The following IQGAP2 variants were observed in gnomAD, a reference collection of about 807,000 sequenced individuals.
The protein encoded by IQGAP2 is ras GTPase-activating-like protein IQGAP2.
A neutral mutation model predicts 201.3 loss-of-function variants in IQGAP2; 173 were observed. The ratio of observed to expected loss-of-function variants is 0.86; its 90% CI spans 0.76 to 0.98. IQGAP2 has a LOEUF of 0.98. Ranked by LOEUF, IQGAP2 falls within the 50% of genes least tolerant of loss-of-function variation. IQGAP2 has a pLI of 0.00. For missense variants in IQGAP2, 1,687 were observed against 1,864.8 expected (o/e 0.90, Z 1.76); for synonymous variants, 675 against 673.9 (o/e 1.00, Z -0.03).
intron 2 of IQGAP2, among the ~76,000 whole-genome samples, chr5:76,535,327 A>G (rs76187345): frequency 0.015 from 2,287 of 152,304 alleles, 61 homozygotes; most frequent in African/African-American, 0.05. Context: ...GAAAGTATAA[A>G]AAAAAAATGA....
At position 76,555,303 on chromosome 5, in the gene IQGAP2, T is replaced by C. The variant is rs534313953; in HGVS notation, c.147-7093T>C. Among the ~76,000 whole-genome samples, 43 of 152,322 alleles carry C rather than the reference T, an allele frequency of 2.8e-4. 1 individual carries two copies. The Middle Eastern group carries it at 0.01, about 36-fold the overall frequency. On this transcript the variant is annotated intron_variant, in intron 2 of 35. Transcript: ENST00000274364. ...TTGAGTGTATGATGTGTGGATTATATCTCAATAAAGATGTTAAACCACACA... is the reference window on the plus strand; with the variant it reads ...TTGAGTGTATGATGTGTGGATTATACCTCAATAAAGATGTTAAACCACACA...
At chr5:76,500,511 T>C (rs2150167859) in intron 2 of IQGAP2, among the ~76,000 whole-genome samples, 1 of 152,356 alleles carries the variant, frequency 6.6e-6, no homozygotes, top group South Asian at 2.1e-4. Flanking sequence ...TAGATTTGTG[T>C]GTGAAATAGA....
At chr5:76,649,385 G>A (rs946738802) in intron 17 of IQGAP2, among the ~76,000 whole-genome samples, 1 of 152,128 alleles carries the variant, frequency 6.6e-6, no homozygotes, top group Non-Finnish European at 1.5e-5. Flanking sequence ...GAAACTAAGA[G>A]CACTTGTTAC....
chr5:76,590,467 G>A lies in IQGAP2; in HGVS notation c.700G>A (p.Val234Ile), dbSNP rs147531108. ...TGAAAAAGGAATAGCAGAGCAAACC[G>A]TTGTAACACTAAGAAACCCAAATGC... is the stretch of plus-strand genomic sequence containing the variant. Reference protein sequence around the residue: ...AVEKGIAEQTVVTLRNPNAVL... With the variant: ...AVEKGIAEQTIVTLRNPNAVL... Residue 234 changes from valine to isoleucine, a missense_variant, in exon 8 of 36, where the codon GTT (valine) becomes ATT (isoleucine). Physicochemically the swap from Val to Ile is conservative, Grantham distance 29. Transcript: ENST00000274364. 4.9e-3 allele frequency: 7,830 copies of A among 1,613,768 alleles called. 59 individuals are homozygous for A. The highest frequency in any genetic ancestry group is 0.016 in the South Asian group (1,439 of 91,014).
intron 2 of IQGAP2, among the ~76,000 whole-genome samples, chr5:76,503,175 T>A (rs1261521821): frequency 1.4e-4 from 1 of 7,098 alleles, no homozygotes. Context: ...TTTTCTTTTC[T>A]TTTTTTTTTT....
chr5:76,699,204 G>A (rs1033024466), intron 33 of IQGAP2, among the ~76,000 whole-genome samples: 2 of 152,022 alleles, frequency 1.3e-5, no homozygotes, highest in African/African-American at 4.8e-5. Flanking sequence ...ACATATAAGC[G>A]AGAACATGTG....
intron 13 of IQGAP2, among the ~76,000 whole-genome samples, chr5:76,624,835 A>G (rs919748057): frequency 1.3e-5 from 2 of 152,204 alleles, no homozygotes; most frequent in Non-Finnish European, 2.9e-5. Context: ...GCACTTTGTA[A>G]GGCTGAGGTG....
chr5:76,413,839 C>A (rs1751269409), intron 1 of IQGAP2, among the ~76,000 whole-genome samples: 1 of 152,172 alleles, frequency 6.6e-6, no homozygotes, highest in South Asian at 2.1e-4. Flanking sequence ...TTTATGCTTG[C>A]TTCAGAATGT....
intron 2 of IQGAP2, among the ~76,000 whole-genome samples, chr5:76,519,525 A>G (rs181890961): frequency 4.3e-4 from 65 of 152,342 alleles, no homozygotes; most frequent in African/African-American, 1.4e-3. Context: ...TTGTGTGAAT[A>G]TAGTTTTTTA....
At chr5:76,598,888 G>A (rs1299305302) in intron 10 of IQGAP2, among the ~76,000 whole-genome samples, 3 of 152,036 alleles carry the variant, frequency 2.0e-5, no homozygotes, top group Non-Finnish European at 1.5e-5. Flanking sequence ...AAGAATGACT[G>A]GAAAAGATAT....
chr5:76,520,633 A>G (rs2150194107), intron 2 of IQGAP2, among the ~76,000 whole-genome samples: 1 of 151,666 alleles, frequency 6.6e-6, no homozygotes, highest in East Asian at 1.9e-4. Context: ...CATTAAATCT[A>G]TAGATCACTT....
chr5:76,517,482 G>A (rs968330157), intron 2 of IQGAP2, among the ~76,000 whole-genome samples: 6 of 151,860 alleles, frequency 4.0e-5, no homozygotes, highest in Non-Finnish European at 7.4e-5. Context: ...TAAGTAGCAC[G>A]CATTCCTGTA....
chr5:76,422,077 A>G (rs1231927244), intron 1 of IQGAP2, among the ~76,000 whole-genome samples: 1 of 152,192 alleles, frequency 6.6e-6, no homozygotes, highest in Non-Finnish European at 1.5e-5. Flanking sequence ...GACAATTCCA[A>G]TACACCAGAA....
intron 27 of IQGAP2, 160 bp from the exon 28 acceptor site, chr5:76,677,058 G>A (rs1160506707): frequency 1.1e-5 from 7 of 633,828 alleles, no homozygotes; most frequent in South Asian, 4.4e-5. Flanking sequence ...ATGCAGCTCC[G>A]ACAGCCAGGA....
chr5:76,567,868 G>A (rs548656179), intron 3 of IQGAP2, among the ~76,000 whole-genome samples: 2 of 151,178 alleles, frequency 1.3e-5, no homozygotes, highest in East Asian at 3.9e-4. Context: ...GTTTGCTGGT[G>A]TAATAGCTCA....
At chr5:76,558,512 A>G (rs1379438591) in intron 2 of IQGAP2, among the ~76,000 whole-genome samples, 3 of 151,958 alleles carry the variant, frequency 2.0e-5, no homozygotes, top group Admixed American at 6.5e-5. Context: ...TAACTTGGCC[A>G]TATTTTTTTT....
intron 22 of IQGAP2, among the ~76,000 whole-genome samples, chr5:76,668,029 A>G (rs1743948369): frequency 6.6e-6 from 1 of 151,604 alleles, no homozygotes; most frequent in Non-Finnish European, 1.5e-5. Flanking sequence ...GCATGCGCAC[A>G]CCACCACACC....
rs149523695 is a variant in IQGAP2, at chr5:76,460,447, C to A, written c.47-1123C>A. Among the ~76,000 whole-genome samples the A allele has an allele frequency of 2.2e-3, 339 of 152,044 alleles. 4 individuals carry two copies. Among genetic ancestry groups the A allele is most frequent in the Non-Finnish European group, 1.5e-3 (104 of 68,006 alleles). On this transcript the variant is annotated intron_variant, in intron 1 of 35. Coordinates refer to ENST00000274364, the MANE Select transcript of IQGAP2 (RefSeq NM_006633.5). ...ACTTGTTCTGTAGGAAATAGGGGAG[C>A]CATCAAAAGTTTTGAGAGGGGAAGT...
At chr5:76,596,568 AG>A (rs1161716206) in intron 9 of IQGAP2, among the ~76,000 whole-genome samples, 1 of 152,192 alleles carries the variant, frequency 6.6e-6, no homozygotes, top group East Asian at 1.9e-4. Flanking sequence ...TAATTTATGA[AG>A]AAAAGAGGCT....
Sources: gnomAD v4.1 joint callset for allele counts (sites outside exome capture counted in the v4.1 genomes callset) on GRCh38, gnomAD v4.1.1 for gene constraint, MANE v1.5 for transcripts, NCBI Gene and HGNC (gene_info 2026-07-23, HGNC 2026-07-21) for gene names.